Variants in KLHL13 observed in about 807,000 individuals in gnomAD.
KLHL13 encodes the protein kelch-like protein 13.
KLHL13 carries 10 observed loss-of-function variants against 37.1 expected under a neutral mutation model. That is an observed-to-expected ratio of 0.27 (90% confidence interval 0.17 to 0.46). The LOEUF is 0.46. Among genes scored for constraint, KLHL13 ranks in the 20% least tolerant of loss-of-function variants. The pLI, the probability that KLHL13 is intolerant of heterozygous loss-of-function variation, is 1.00. For missense variants in KLHL13, 360 were observed against 509.3 expected (o/e 0.71, Z 2.82); for synonymous variants, 163 against 181.2 (o/e 0.90, Z 0.81).
chrX:118,009,858 C>A (rs1192214265), intron 1 of KLHL13, among the ~76,000 whole-genome samples: 13 of 96,680 alleles, frequency 1.3e-4, no homozygotes, highest in African/African-American at 5.0e-4. Flanking sequence ...GCCATTTTCA[C>A]GATATTGATT....
At position 117,991,153 on chromosome X, in the gene KLHL13, T is replaced by C. The variant is rs755004950; in HGVS notation, c.-55-45578A>G. On this transcript the variant is annotated intron_variant, in intron 1 of 6. Transcript: ENST00000371882. ...ATTAAAAAGTAAAAAAAAAAAAGTC[T>C]TATAAATGAGAGTTGTGTTTTGCTA... Among the ~76,000 whole-genome samples, 168 of 91,933 alleles carry C rather than the reference T, an allele frequency of 1.8e-3. 1 individual carries two copies. The highest frequency in any genetic ancestry group is 5.4e-3 in the Middle Eastern group (1 of 185). The allele number at this position is 91,933 out of a possible 115,157, so 79.8% of individuals were successfully genotyped here. A position where few individuals can be genotyped will look rare whatever the true frequency, so the allele number is the denominator to read the frequency against.
intron 1 of KLHL13, among the ~76,000 whole-genome samples, chrX:117,966,678 A>T (rs1393897518): frequency 9.0e-6 from 1 of 111,373 alleles, no homozygotes; most frequent in Non-Finnish European, 1.9e-5. Context: ...GGCTACAGTA[A>T]CCAAAACAGC....
intron 1 of KLHL13, among the ~76,000 whole-genome samples, chrX:118,070,874 T>C (rs1380666562): frequency 9.1e-6 from 1 of 109,819 alleles, no homozygotes; most frequent in Non-Finnish European, 1.9e-5. Flanking sequence ...TCATCTAGCA[T>C]TAGGTATATC....
intron 1 of KLHL13, among the ~76,000 whole-genome samples, chrX:118,066,643 T>A (rs1336230610): frequency 9.0e-6 from 1 of 111,052 alleles, no homozygotes; most frequent in African/African-American, 3.3e-5. Context: ...GACAAAATGA[T>A]CTTTATCAAA....
intron 1 of KLHL13, among the ~76,000 whole-genome samples, chrX:117,994,676 T>C (rs2053834626): frequency 8.9e-6 from 1 of 112,412 alleles, no homozygotes; most frequent in African/African-American, 3.2e-5. Context: ...CCTTGAATTA[T>C]TTATAGATTT....
At chrX:118,018,276 ATATT>A (rs1322703587) in intron 1 of KLHL13, among the ~76,000 whole-genome samples, 2 of 111,504 alleles carry the variant, frequency 1.8e-5, no homozygotes, top group East Asian at 5.6e-4. Context: ...TTCGTGATAT[ATATT>A]TATTATCTGA....
Position 117,915,399 on chromosome X carries a change from T to C in KLHL13, c.570+4122A>G, listed in dbSNP as rs914951428. Among the ~76,000 whole-genome samples, 3 of 111,138 alleles carry C rather than the reference T, an allele frequency of 2.7e-5. No individual in the cohort carries two copies. The South Asian group carries it at 1.2e-3, about 43-fold the overall frequency. ...CCACTTATGTACCTCCTTTATTTTG[T>C]CTCCAACTCTTCATCACCTCCAGTC... is the stretch of plus-strand genomic sequence containing the variant. On this transcript the variant is annotated intron_variant, in intron 4 of 6. Transcript: ENST00000262820.
At position 118,020,705 on chromosome X, in the gene KLHL13, C is replaced by T. The variant is rs779137238; in HGVS notation, c.-55-75130G>A. The stretch of plus-strand genomic sequence containing the variant: ...GACACATGCACACGTATGTTTATTG[C>T]GGCACTACTCACAATAGCAAAGACT... On this transcript the variant is annotated intron_variant, in intron 1 of 6. Coordinates refer to the KLHL13 transcript ENST00000371882. Among the ~76,000 whole-genome samples, 29 of 109,937 alleles carry T rather than the reference C, an allele frequency of 2.6e-4. 1 individual carries two copies. Among genetic ancestry groups the T allele is most frequent in the South Asian group, 2.0e-3 (5 of 2,443 alleles).
At position 118,026,699 on chromosome X, in the gene KLHL13, C is replaced by T. The variant is rs1193703649; in HGVS notation, c.-55-81124G>A. The stretch of plus-strand genomic sequence containing the variant: ...ATTTGCAAGGAAAAAATTAATCTTG[C>T]TCATGCCCTAATTAAAGAGGACCAG... On this transcript the variant is annotated intron_variant, in intron 1 of 6. Transcript: ENST00000371882. Among the ~76,000 whole-genome samples the T allele has an allele frequency of 3.6e-5, 4 of 111,770 alleles. No individual in the cohort carries two copies. In the South Asian group the frequency reaches 1.1e-3, roughly 31 times the overall value.
At chrX:117,996,765 G>A (rs2053858958) in intron 1 of KLHL13, among the ~76,000 whole-genome samples, 1 of 107,987 alleles carries the variant, frequency 9.3e-6, no homozygotes, top group Non-Finnish European at 1.9e-5. Context: ...ATTTCTACGG[G>A]TACATATACC....
chrX:118,012,101 CAG>C (rs1416667247), intron 1 of KLHL13, among the ~76,000 whole-genome samples: 1 of 111,695 alleles, frequency 9.0e-6, no homozygotes, highest in Non-Finnish European at 1.9e-5. Flanking sequence ...TTAAAGCAGC[CAG>C]AGTTCTAGTA....
In KLHL13 at chrX:117,905,840, AAACATACAATT is replaced by A. The variant is rs895652380; in HGVS notation, c.1366+3450_1366+3460del. ...ATTATATATACTCATACTTATTGTA[AAACATACAATT>A]AAATTATTATTGACTATAGTCACCC... On this transcript the variant is annotated intron_variant, in intron 5 of 6. Coordinates refer to ENST00000262820, the Ensembl canonical transcript of KLHL13. 2.7e-5 allele frequency among the ~76,000 whole-genome samples: 3 copies of A among 111,398 alleles called. No homozygotes were observed. The Admixed American group carries it at 2.9e-4, about 11-fold the overall frequency.
At chrX:117,994,023 A>G (rs1209807764) in intron 1 of KLHL13, among the ~76,000 whole-genome samples, 1 of 111,349 alleles carries the variant, frequency 9.0e-6, no homozygotes, top group African/African-American at 3.3e-5. Flanking sequence ...GGCGTGAGCC[A>G]CCACGCCCGG....
intron 1 of KLHL13, among the ~76,000 whole-genome samples, chrX:118,110,972 C>T (rs1298593687): frequency 6.2e-5 from 7 of 112,250 alleles, no homozygotes; most frequent in African/African-American, 2.3e-4. Context: ...GAGAACCACA[C>T]AGCCAGTCCT....
chrX:118,032,407 C>T (rs916701362), intron 1 of KLHL13, among the ~76,000 whole-genome samples: 31 of 111,913 alleles, frequency 2.8e-4, no homozygotes, highest in South Asian at 3.7e-4. Flanking sequence ...AACGGGCAGA[C>T]TGCCTCTTCA....
intron 1 of KLHL13, among the ~76,000 whole-genome samples, chrX:118,099,378 A>G (rs1448720644): frequency 8.9e-6 from 1 of 112,057 alleles, no homozygotes; most frequent in Non-Finnish European, 1.9e-5. Flanking sequence ...ATGATAATAT[A>G]AACTGTTTTC....
At chrX:117,999,588 A>G (rs1013107511) in intron 1 of KLHL13, among the ~76,000 whole-genome samples, 2 of 110,750 alleles carry the variant, frequency 1.8e-5, no homozygotes, top group Non-Finnish European at 3.8e-5. Flanking sequence ...TATATACCTA[A>G]TGTAAATGAC....
At chrX:118,021,813 A>G (rs1208879575) in intron 1 of KLHL13, among the ~76,000 whole-genome samples, 1 of 111,546 alleles carries the variant, frequency 9.0e-6, no homozygotes, top group Admixed American at 9.5e-5. Context: ...GAATCGCCAC[A>G]CTGTCTTCCA....
intron 4 of KLHL13, among the ~76,000 whole-genome samples, chrX:117,910,388 T>A (rs2147646326): frequency 9.1e-6 from 1 of 109,753 alleles, no homozygotes; most frequent in East Asian, 2.9e-4. Context: ...GTTACTCTTC[T>A]CTCCTCAAAA....
Sources: gnomAD v4.1 joint callset for allele counts (sites outside exome capture counted in the v4.1 genomes callset) on GRCh38, gnomAD v4.1.1 for gene constraint, MANE v1.5 for transcripts, NCBI Gene and HGNC (gene_info 2026-07-23, HGNC 2026-07-21) for gene names.